Variants in CDH26 observed in about 807,000 individuals in gnomAD.
The protein encoded by CDH26 is cadherin 26.
CDH26 carries 83 observed loss-of-function variants against 90.3 expected under a neutral mutation model. The ratio of observed to expected loss-of-function variants is 0.92; its 90% CI spans 0.77 to 1.10. The LOEUF (loss-of-function observed/expected upper bound fraction) is 1.10, where lower values mean the gene tolerates loss of function less well. Ranked by LOEUF, CDH26 falls within the 50% of genes least tolerant of loss-of-function variation. The pLI, the probability that CDH26 is intolerant of heterozygous loss-of-function variation, is 0.00. For synonymous variants in CDH26, 397 were observed against 396.3 expected (o/e 1.00, Z -0.02); for missense variants, 1,013 against 1,037.6 (o/e 0.98, Z 0.33).
chr20:59,998,936 C>T (rs2061639554), intron 13 of CDH26, among the ~76,000 whole-genome samples: 2 of 152,168 alleles, frequency 1.3e-5, no homozygotes, highest in South Asian at 4.1e-4. Flanking sequence ...TCCCTCTGTC[C>T]ATCTTACATG....
Position 59,995,967 on chromosome 20 carries a change from C to T in CDH26, c.1801C>T (p.Leu601Phe), listed in dbSNP as rs1317803365. The change falls in exon 12 of 18, where the codon CTC (leucine) becomes TTC (phenylalanine). Residue 601 changes from leucine to phenylalanine, a missense_variant. By Grantham distance (22) the Leu-to-Phe change is conservative. Coordinates refer to ENST00000348616, the MANE Select transcript of CDH26 (RefSeq NM_177980.4). Reference protein sequence around the residue: ...HVRICPCASGLTCVELADAEV... With the variant: ...HVRICPCASGFTCVELADAEV... ...AAGGATCTGCCCCTGTGCCAGTGGG[C>T]TCACATGTGTGGAGCTTGCAGATGC... The T allele has an allele frequency of 2.5e-6, 4 of 1,614,212 alleles. No individual in the cohort carries two copies. The highest frequency in any genetic ancestry group is 2.5e-6 in the Non-Finnish European group (3 of 1,180,038).
At chr20:59,965,146 A>G (rs1450956830) in intron 1 of CDH26, among the ~76,000 whole-genome samples, 3 of 152,362 alleles carry the variant, frequency 2.0e-5, no homozygotes, top group East Asian at 1.9e-4. Flanking sequence ...GTAAATAGAC[A>G]GAAATATAAC....
chr20:60,008,552 G>GGATCCTGTTTTGT (rs1333154904), intron 17 of CDH26, among the ~76,000 whole-genome samples: 33 of 152,276 alleles, frequency 2.2e-4, no homozygotes, highest in Admixed American at 3.9e-4. Context: ...TGAGGTCCTG[G>GGATCCTGTTTTGT]GATCCTGTTT....
intron 4 of CDH26, among the ~76,000 whole-genome samples, chr20:59,978,229 A>C (rs1372259114): frequency 6.6e-6 from 1 of 152,192 alleles, no homozygotes; most frequent in Non-Finnish European, 1.5e-5. Flanking sequence ...GTGCACATAC[A>C]TATTCAACAC....
At chr20:59,966,075 A>C (rs1183664687) in intron 1 of CDH26, among the ~76,000 whole-genome samples, 1 of 152,106 alleles carries the variant, frequency 6.6e-6, no homozygotes, top group African/African-American at 2.4e-5. Context: ...TTTGCTTGAA[A>C]GATTACATTT....
chr20:59,969,285 C>A (rs1337761947), intron 2 of CDH26, among the ~76,000 whole-genome samples: 1 of 152,210 alleles, frequency 6.6e-6, no homozygotes, highest in Non-Finnish European at 1.5e-5. Flanking sequence ...TTGTCCACAT[C>A]ATTTTATTCT....
intron 6 of CDH26, 42 bp downstream of exon 6, chr20:59,984,847 C>A: frequency 6.3e-7 from 1 of 1,583,202 alleles, no homozygotes. Context: ...AAATGTGTGG[C>A]CCATCCTTGA....
chr20:59,970,714 G>A (rs991185958), intron 3 of CDH26, among the ~76,000 whole-genome samples: 3 of 151,760 alleles, frequency 2.0e-5, no homozygotes, highest in Non-Finnish European at 2.9e-5. Context: ...GGAGGCTGAG[G>A]CAGGAGAATG....
intron 16 of CDH26, among the ~76,000 whole-genome samples, chr20:60,004,429 T>C (rs2061715946): frequency 6.6e-6 from 1 of 152,190 alleles, no homozygotes; most frequent in African/African-American, 2.4e-5. Flanking sequence ...CATGTGACTG[T>C]ACTGAATACT....
chr20:60,006,117 G>C (rs929964721), intron 16 of CDH26, among the ~76,000 whole-genome samples: 4 of 152,238 alleles, frequency 2.6e-5, no homozygotes, highest in Non-Finnish European at 4.4e-5. Flanking sequence ...CCTTGCACCT[G>C]CGTGAGCTCG....
intron 4 of CDH26, among the ~76,000 whole-genome samples, chr20:59,977,869 G>A (rs2145980060): frequency 6.6e-6 from 1 of 152,294 alleles, no homozygotes; most frequent in African/African-American, 2.4e-5. Flanking sequence ...CCATGACAGT[G>A]TCGTATAGAA....
chr20:59,989,117 A>G lies in CDH26; in HGVS notation c.1237A>G (p.Thr413Ala). 1 of 1,614,160 alleles carries G rather than the reference A, an allele frequency of 6.2e-7. No homozygotes were observed. Among genetic ancestry groups the G allele is most frequent in the Non-Finnish European group, 8.5e-7 (1 of 1,180,014 alleles). The change falls in exon 9 of 18, where the codon ACC (threonine) becomes GCC (alanine). Residue 413 changes from threonine (T) to alanine (A), a missense_variant. Thr to Ala is a moderately conservative substitution (Grantham distance 58, BLOSUM62 0). Transcript: ENST00000348616. ...TAAAGAGGAGGGCGCCAGGCCTGGG[A>G]CCCTGTTGGGAACTTTTAATGCCAT... ...VNKEEGARPGTLLGTFNAMDP... is the reference protein window; with the variant it reads ...VNKEEGARPGALLGTFNAMDP...
chr20:60,002,118 G>T (rs776243382), intron 15 of CDH26, among the ~76,000 whole-genome samples: 1 of 152,078 alleles, frequency 6.6e-6, no homozygotes, highest in Non-Finnish European at 1.5e-5. Context: ...AGGGTCTAAA[G>T]AGCCATAGAA....
chr20:59,978,955 T>G (rs752274686), intron 4 of CDH26, among the ~76,000 whole-genome samples: 2 of 152,188 alleles, frequency 1.3e-5, no homozygotes, highest in African/African-American at 4.8e-5. Context: ...TCAAAACTTG[T>G]GTACGGTAAA....
chr20:59,965,819 G>A (rs556657754), intron 1 of CDH26, among the ~76,000 whole-genome samples: 20 of 152,202 alleles, frequency 1.3e-4, no homozygotes, highest in Middle Eastern at 3.4e-3. Context: ...TCCCTACTCC[G>A]TTCCATTAAA....
chr20:59,996,623 T>C lies in CDH26; in HGVS notation c.1889-8T>C. 1 of 1,614,224 alleles carries C rather than the reference T, an allele frequency of 6.2e-7. No homozygotes were observed. Among genetic ancestry groups the C allele is most frequent in the Non-Finnish European group, 8.5e-7 (1 of 1,180,034 alleles). On this transcript the variant is annotated splice_region_variant and splice_polypyrimidine_tract_variant and intron_variant, in intron 12 of 17. Coordinates refer to ENST00000348616, the MANE Select transcript of CDH26 (RefSeq NM_177980.4). Reference sequence around the variant, plus strand: ...TCTAATCTGTTTTTCCCCTTTGTCTTATAACAGTGGCTCTGCTTTTTCTGT... The same window carrying C: ...TCTAATCTGTTTTTCCCCTTTGTCTCATAACAGTGGCTCTGCTTTTTCTGT...
Position 59,996,510 on chromosome 20 carries a change from A to G in CDH26, c.1889-121A>G, listed in dbSNP as rs528020783. 1.4e-5 allele frequency: 22 copies of G among 1,613,502 alleles called. No homozygotes were observed. In the South Asian group the frequency reaches 2.4e-4, roughly 18 times the overall value. On this transcript the variant is annotated intron_variant, in intron 12 of 17. Coordinates refer to ENST00000348616, the MANE Select transcript of CDH26 (RefSeq NM_177980.4). ...GAACTTTATAGCTACACAGATGACTAAGACGCAATTTGGCCTTGCCAGTTC... is the reference window on the plus strand; with the variant it reads ...GAACTTTATAGCTACACAGATGACTGAGACGCAATTTGGCCTTGCCAGTTC...
intron 5 of CDH26, 114 bp from the exon 6 acceptor site, chr20:59,984,525 C>T: frequency 1.4e-6 from 1 of 704,568 alleles, no homozygotes; most frequent in South Asian, 1.9e-5. Context: ...TATATTTAAA[C>T]ATTCCACTCA....
intron 1 of CDH26, among the ~76,000 whole-genome samples, chr20:59,966,590 C>CT (rs1296526056): frequency 6.6e-6 from 1 of 152,242 alleles, no homozygotes; most frequent in Non-Finnish European, 1.5e-5. Context: ...TTTGGTACCA[C>CT]TGCCTTCATT....
Sources: gnomAD v4.1 joint callset for allele counts (sites outside exome capture counted in the v4.1 genomes callset) on GRCh38, gnomAD v4.1.1 for gene constraint, MANE v1.5 for transcripts, NCBI Gene and HGNC (gene_info 2026-07-23, HGNC 2026-07-21) for gene names.